The following ANO3 variants were observed in gnomAD, a reference collection of about 807,000 sequenced individuals.
ANO3 encodes anoctamin-3.
A neutral mutation model predicts 144.8 loss-of-function variants in ANO3; 99 were observed. The observed-to-expected ratio is 0.68, with a 90% CI of 0.58 to 0.81. The LOEUF (loss-of-function observed/expected upper bound fraction) is 0.81. Among genes scored for constraint, ANO3 ranks in the 30% least tolerant of loss-of-function variants. The pLI is 0.00. For synonymous variants in ANO3, 414 were observed against 392.6 expected, an observed-to-expected ratio of 1.05 and a Z score of -0.64; for missense variants, 905 against 1,202.2, an observed-to-expected ratio of 0.75 and a Z score of 3.66.
chr11:26,585,747 A>G (rs887747132), intron 14 of ANO3, among the ~76,000 whole-genome samples: 2 of 152,160 alleles, frequency 1.3e-5, no homozygotes, highest in East Asian at 3.9e-4. Flanking sequence ...TTTGGTTCCT[A>G]TCATCCATGT....
chr11:26,565,260 C>T lies in ANO3; in HGVS notation c.1447+5481C>T, dbSNP rs1452332011. 2 of 1,590,478 alleles carry T rather than the reference C, an allele frequency of 1.3e-6. No homozygotes were observed. Among genetic ancestry groups the T allele is most frequent in the African/African-American group, 1.3e-5 (1 of 74,098 alleles). Reference sequence around the variant, plus strand: ...TGTTTTTTCTTGATAAGGGGTAAACCCAGTGAAGCTATCACTGTTTGTGGT... The same window carrying T: ...TGTTTTTTCTTGATAAGGGGTAAACTCAGTGAAGCTATCACTGTTTGTGGT... On this transcript the variant is annotated intron_variant, in intron 14 of 26. Coordinates refer to ENST00000256737, the MANE Select transcript of ANO3 (RefSeq NM_031418.4).
chr11:26,223,581 T>G (rs1452318119), intron 1 of ANO3, among the ~76,000 whole-genome samples: 1 of 147,992 alleles, frequency 6.8e-6, no homozygotes, highest in South Asian at 2.2e-4. Context: ...TTTTCTGTGC[T>G]AGTCCATTCT....
chr11:26,264,363 C>A (rs1244329084), intron 1 of ANO3, among the ~76,000 whole-genome samples: 1 of 152,130 alleles, frequency 6.6e-6, no homozygotes, highest in African/African-American at 2.4e-5. Flanking sequence ...AGTTTGGCAC[C>A]AGATAATCCC....
chr11:26,455,863 C>T (rs1250627228), intron 3 of ANO3, among the ~76,000 whole-genome samples: 20 of 151,308 alleles, frequency 1.3e-4, no homozygotes, highest in African/African-American at 2.2e-4. Flanking sequence ...ATGGTACTGG[C>T]ACCAAAACAG....
At chr11:26,227,499 G>A (rs1202550078) in intron 1 of ANO3, among the ~76,000 whole-genome samples, 1 of 152,140 alleles carries the variant, frequency 6.6e-6, no homozygotes, top group East Asian at 1.9e-4. Flanking sequence ...CAAGGTATTA[G>A]TAAATGCTGT....
Position 26,656,387 on chromosome 11 carries a change from A to G in ANO3, c.2669A>G (p.Tyr890Cys). Residue 890 changes from tyrosine to cysteine, a missense_variant, in exon 26 of 27, where the codon TAC becomes TGC. Physicochemically the swap from Tyr to Cys is radical, Grantham distance 194. Coordinates refer to ENST00000256737, the MANE Select transcript of ANO3 (RefSeq NM_031418.4). ...GKSGYCRYRD[Y>C]RGPPWSSKPY... ...TTTGTGGATTTCAGGTACAGAGACTACAGAGGCCCGCCCTGGAGTTCCAAA... is the reference window on the plus strand; with the variant it reads ...TTTGTGGATTTCAGGTACAGAGACTGCAGAGGCCCGCCCTGGAGTTCCAAA... 4 of 1,603,320 alleles carry G rather than the reference A, an allele frequency of 2.5e-6. No homozygotes were observed. The highest frequency in any genetic ancestry group is 3.4e-6 in the Non-Finnish European group (4 of 1,170,260).
intron 6 of ANO3, among the ~76,000 whole-genome samples, chr11:26,522,427 C>G (rs1862120377): frequency 6.6e-6 from 1 of 152,090 alleles, no homozygotes; most frequent in Non-Finnish European, 1.5e-5. Flanking sequence ...TGGACTCTGG[C>G]TGGAAACAGT....
chr11:26,367,387 G>A (rs1346674632), intron 1 of ANO3, among the ~76,000 whole-genome samples: 2 of 152,106 alleles, frequency 1.3e-5, no homozygotes, highest in Non-Finnish European at 2.9e-5. Flanking sequence ...CCAGGTTCCA[G>A]TAAGTTCCTC....
At chr11:26,275,900 T>C (rs1349030100) in intron 1 of ANO3, among the ~76,000 whole-genome samples, 1 of 152,200 alleles carries the variant, frequency 6.6e-6, no homozygotes, top group Non-Finnish European at 1.5e-5. Context: ...TTTCTAAATA[T>C]GTGACTTTAA....
intron 1 of ANO3, among the ~76,000 whole-genome samples, chr11:26,421,974 G>T (rs1036114385): frequency 6.6e-6 from 1 of 151,898 alleles, no homozygotes; most frequent in African/African-American, 2.4e-5. Context: ...GGAGGGAAAG[G>T]ATCACAAAAA....
At chr11:26,252,621 C>T (rs1852955623) in intron 1 of ANO3, among the ~76,000 whole-genome samples, 1 of 152,232 alleles carries the variant, frequency 6.6e-6, no homozygotes, top group East Asian at 1.9e-4. Context: ...TCCAAGGGTT[C>T]TTTCATAGAG....
chr11:26,249,664 ACT>A (rs920556978), intron 1 of ANO3, among the ~76,000 whole-genome samples: 1 of 151,986 alleles, frequency 6.6e-6, no homozygotes, highest in Non-Finnish European at 1.5e-5. Context: ...GATACTACAA[ACT>A]CTGTTTATAA....
intron 4 of ANO3, among the ~76,000 whole-genome samples, chr11:26,470,891 G>C (rs549945710): frequency 2.7e-4 from 41 of 152,008 alleles, no homozygotes; most frequent in African/African-American, 9.2e-4. Context: ...AAATAAGATA[G>C]TCTTGTTTTC....
intron 1 of ANO3, among the ~76,000 whole-genome samples, chr11:26,194,949 C>G (rs1851556047): frequency 6.6e-6 from 1 of 152,150 alleles, no homozygotes; most frequent in Non-Finnish European, 1.5e-5. Context: ...AAAGAGATAT[C>G]TCTCACCTCA....
chr11:26,264,781 AT>A (rs1255003544), intron 1 of ANO3, among the ~76,000 whole-genome samples: 15 of 151,932 alleles, frequency 9.9e-5, no homozygotes, highest in African/African-American at 3.6e-4. Context: ...CTGTATCCTA[AT>A]TTTCATTTTT....
intron 1 of ANO3, among the ~76,000 whole-genome samples, chr11:26,255,238 T>G (rs2133822738): frequency 6.6e-6 from 1 of 152,332 alleles, no homozygotes; most frequent in Non-Finnish European, 1.5e-5. Flanking sequence ...TTCTTTCTAA[T>G]TTCACTTTGT....
intron 1 of ANO3, among the ~76,000 whole-genome samples, chr11:26,260,014 G>C (rs908006710): frequency 1.7e-4 from 26 of 150,104 alleles, no homozygotes; most frequent in African/African-American, 6.1e-4. Flanking sequence ...GGCCCTGTCT[G>C]ATGGCCATGA....
At chr11:26,202,199 A>G (rs964156903) in intron 1 of ANO3, among the ~76,000 whole-genome samples, 1 of 147,194 alleles carries the variant, frequency 6.8e-6, no homozygotes, top group African/African-American at 2.5e-5. Flanking sequence ...TTTAAGTTAT[A>G]TTATTTCCAA....
chr11:26,448,186 C>A (rs1376119195), intron 3 of ANO3, among the ~76,000 whole-genome samples: 1 of 151,748 alleles, frequency 6.6e-6, no homozygotes, highest in Non-Finnish European at 1.5e-5. Context: ...GTAATCCCAG[C>A]TACTAGGGAG....
Sources: allele counts gnomAD v4.1 joint callset (sites outside exome capture counted in the v4.1 genomes callset), GRCh38; gene constraint gnomAD v4.1.1; transcripts MANE v1.5; gene names NCBI Gene and HGNC (gene_info 2026-07-23, HGNC 2026-07-21).